The following PRKG1 variants were observed in gnomAD, a reference collection of about 807,000 sequenced individuals.
PRKG1 encodes the protein protein kinase cGMP-dependent 1, also known as cGMP-dependent protein kinase 1.
Under a neutral mutation model 88.1 loss-of-function variants are expected in PRKG1, and 35 were observed. That is an observed-to-expected ratio of 0.40 (90% CI 0.30 to 0.53). The LOEUF (loss-of-function observed/expected upper bound fraction) is 0.53. Ranked by LOEUF, PRKG1 falls within the 20% of genes least tolerant of loss-of-function variation. The pLI is 0.59. For synonymous variants in PRKG1, 303 were observed against 292.5 expected (o/e 1.04, Z -0.37); for missense variants, 540 against 839.8 (o/e 0.64, Z 4.41).
At chr10:51,520,222 A>T (rs1841700503) in intron 3 of PRKG1, among the ~76,000 whole-genome samples, 1 of 150,022 alleles carries the variant, frequency 6.7e-6, no homozygotes, top group Admixed American at 6.7e-5. Flanking sequence ...TATACAAATT[A>T]AATGTATATT....
At chr10:52,145,027 A>G (rs1357923096) in intron 8 of PRKG1, among the ~76,000 whole-genome samples, 1 of 152,196 alleles carries the variant, frequency 6.6e-6, no homozygotes, top group Non-Finnish European at 1.5e-5. Flanking sequence ...TGATTCAGTT[A>G]CGGATATTGC....
At chr10:51,020,773 T>C (rs954929484) in intron 1 of PRKG1, among the ~76,000 whole-genome samples, 5 of 152,218 alleles carry the variant, frequency 3.3e-5, no homozygotes, top group African/African-American at 1.2e-4. Flanking sequence ...ATAAAAGCAG[T>C]CTTCTCACAT....
intron 7 of PRKG1, among the ~76,000 whole-genome samples, chr10:52,102,731 A>T (rs1847326017): frequency 6.8e-6 from 1 of 146,856 alleles, no homozygotes; most frequent in African/African-American, 2.5e-5. Flanking sequence ...AGCCAGTGTC[A>T]GACAATGAGG....
At chr10:51,719,109 G>A (rs1589229551) in intron 3 of PRKG1, among the ~76,000 whole-genome samples, 1 of 151,720 alleles carries the variant, frequency 6.6e-6, no homozygotes, top group African/African-American at 2.4e-5. Context: ...ATGATTGCAA[G>A]ACTGCATTCT....
At chr10:51,902,907 A>G (rs559894714) in intron 4 of PRKG1, among the ~76,000 whole-genome samples, 69 of 152,330 alleles carry the variant, frequency 4.5e-4, no homozygotes, top group Non-Finnish European at 7.8e-4. Context: ...GAAGACCCAT[A>G]CAAAAGGGTC....
intron 7 of PRKG1, among the ~76,000 whole-genome samples, chr10:52,102,748 T>C (rs1490414715): frequency 2.0e-5 from 3 of 151,232 alleles, no homozygotes; most frequent in Non-Finnish European, 4.4e-5. Flanking sequence ...GAGGAAGACA[T>C]AGACGCAGTG....
At chr10:51,196,865 A>G (rs1428991749) in intron 2 of PRKG1, among the ~76,000 whole-genome samples, 1 of 152,208 alleles carries the variant, frequency 6.6e-6, no homozygotes, top group East Asian at 1.9e-4. Flanking sequence ...TTTATCCTCA[A>G]ATTGTTTCAT....
chr10:51,817,356 C>G (rs10823647), intron 4 of PRKG1, among the ~76,000 whole-genome samples: 2 of 148,828 alleles, frequency 1.3e-5, no homozygotes, highest in African/African-American at 4.9e-5. Context: ...AACCCCCCCC[C>G]TCCCCTGACA....
intron 5 of PRKG1, among the ~76,000 whole-genome samples, chr10:52,040,872 T>C (rs1845740010): frequency 1.3e-5 from 2 of 148,714 alleles, no homozygotes; most frequent in Non-Finnish European, 3.0e-5. Context: ...AGTCTTGCTT[T>C]GTCACCCAGG....
At chr10:51,828,285 A>G (rs972532251) in intron 4 of PRKG1, among the ~76,000 whole-genome samples, 1 of 152,196 alleles carries the variant, frequency 6.6e-6, no homozygotes, top group South Asian at 2.1e-4. Context: ...CTTCAACAGG[A>G]AAGTATATTT....
intron 3 of PRKG1, among the ~76,000 whole-genome samples, chr10:51,605,523 G>A (rs1838740845): frequency 6.6e-6 from 1 of 152,092 alleles, no homozygotes; most frequent in Non-Finnish European, 1.5e-5. Flanking sequence ...CACTGAATAG[G>A]AGGCAGAGAA....
At chr10:51,066,629 T>C (rs1843753361) in intron 1 of PRKG1, among the ~76,000 whole-genome samples, 1 of 152,200 alleles carries the variant, frequency 6.6e-6, no homozygotes, top group East Asian at 1.9e-4. Flanking sequence ...AGAAGGAAGG[T>C]TTAGTTGTTA....
chr10:51,075,231 TA>T (rs1424436429), intron 1 of PRKG1, among the ~76,000 whole-genome samples: 1 of 152,076 alleles, frequency 6.6e-6, no homozygotes, highest in Non-Finnish European at 1.5e-5. Flanking sequence ...AGAGAAGAAA[TA>T]AAAAGCCCCC....
chr10:51,047,859 T>C (rs1331653178), intron 1 of PRKG1, among the ~76,000 whole-genome samples: 9 of 152,184 alleles, frequency 5.9e-5, no homozygotes, highest in Non-Finnish European at 7.4e-5. Flanking sequence ...GGAATATTCT[T>C]AGGCATTTAC....
At chr10:51,087,053 C>T (rs1228204718) in intron 1 of PRKG1, among the ~76,000 whole-genome samples, 1 of 152,188 alleles carries the variant, frequency 6.6e-6, no homozygotes, top group Admixed American at 6.5e-5. Flanking sequence ...GCTTTTCCCT[C>T]TCTTTCTTGA....
At chr10:51,887,988 A>G (rs1404428579) in intron 4 of PRKG1, among the ~76,000 whole-genome samples, 3 of 152,202 alleles carry the variant, frequency 2.0e-5, no homozygotes, top group East Asian at 1.9e-4. Context: ...ATAATACAGT[A>G]TTGTGTTTAT....
chr10:51,023,575 A>G (rs1843166749), intron 1 of PRKG1, among the ~76,000 whole-genome samples: 2 of 152,232 alleles, frequency 1.3e-5, no homozygotes, highest in African/African-American at 4.8e-5. Flanking sequence ...TCTTTTTACC[A>G]GGTAGATTCA....
At chr10:51,294,590 A>G (rs932260235) in intron 2 of PRKG1, among the ~76,000 whole-genome samples, 1 of 152,196 alleles carries the variant, frequency 6.6e-6, no homozygotes, top group African/African-American at 2.4e-5. Context: ...AATGTTAATT[A>G]GTGTAATTTA....
At chr10:52,010,254 A>G (rs1394629273) in intron 5 of PRKG1, among the ~76,000 whole-genome samples, 3 of 152,190 alleles carry the variant, frequency 2.0e-5, no homozygotes, top group Non-Finnish European at 4.4e-5. Context: ...GAGTAGGAGA[A>G]AATACTTGCA....
Sources: allele counts gnomAD v4.1 joint callset (sites outside exome capture counted in the v4.1 genomes callset), GRCh38; gene constraint gnomAD v4.1.1; transcripts MANE v1.5; gene names NCBI Gene and HGNC (gene_info 2026-07-23, HGNC 2026-07-21).